Variants in LTA observed in about 807,000 individuals in gnomAD.
LTA encodes lymphotoxin alpha, also known as lymphotoxin-alpha.
In LTA, 6 loss-of-function variants were observed where a neutral mutation model predicts 15.1. The ratio of observed to expected loss-of-function variants is 0.40; its 90% CI spans 0.22 to 0.78. The LOEUF is 0.78. LTA is among the 30% of genes least tolerant of loss of function. The probability of loss-of-function intolerance (pLI) is 0.38; values close to 1 mark genes in which losing one functional copy is unlikely to be tolerated. For synonymous variants in LTA, 87 were observed against 107.3 expected (o/e 0.81, Z 1.17); for missense variants, 173 against 249.5 (o/e 0.69, Z 2.06).
chr6:31,568,223 G>A (rs751880418), upstream of LTA, among the ~76,000 whole-genome samples: 54 of 152,232 alleles, frequency 3.5e-4, no homozygotes, highest in Non-Finnish European at 3.7e-4. The surrounding 1 kb of genome is among the most constrained non-coding windows in gnomAD (Gnocchi z 4.1). Flanking sequence ...TGTTAGGCAC[G>A]CAGATACTCA....
intron 1 of LTA, 101 bp from the exon 2 acceptor site, chr6:31,572,633 T>A: frequency 1.3e-6 from 1 of 759,382 alleles, no homozygotes; most frequent in Non-Finnish European, 2.2e-6. Flanking sequence ...GATCTCTCTC[T>A]CGGGGGTCGG....
At chr6:31,566,304 A>G in the LTA span, among the ~76,000 whole-genome samples, 35 of 151,920 alleles carry the variant, frequency 2.3e-4, no homozygotes, top group Admixed American at 6.6e-4. Flanking sequence ...TGATGGTGCC[A>G]TTGCACTCCA....
chr6:31,565,278 C>T, the LTA span, among the ~76,000 whole-genome samples: 1 of 152,122 alleles, frequency 6.6e-6, no homozygotes, highest in Non-Finnish European at 1.5e-5. Flanking sequence ...TGAAGAGTTC[C>T]ACCAAATATT....
chr6:31,570,925 C>T (rs1421026922), upstream of LTA, among the ~76,000 whole-genome samples: 1 of 151,982 alleles, frequency 6.6e-6, no homozygotes, highest in Non-Finnish European at 1.5e-5. Context: ...CATGAGGGAA[C>T]CTGCTGGGGA....
upstream of LTA, among the ~76,000 whole-genome samples, chr6:31,569,439 A>G (rs956604036): frequency 3.0e-4 from 46 of 152,222 alleles, no homozygotes; most frequent in African/African-American, 1.1e-3. Context: ...ACAGAGAAAA[A>G]GAAAGGAGCA....
At chr6:31,571,703 G>C (rs1770835029), upstream of LTA, among the ~76,000 whole-genome samples, 1 of 152,202 alleles carries the variant, frequency 6.6e-6, no homozygotes, top group Admixed American at 6.5e-5. Flanking sequence ...ACTTTCAAGA[G>C]TGGAAGGGGG....
upstream of LTA, among the ~76,000 whole-genome samples, chr6:31,567,592 T>C (rs1288583905): frequency 1.5e-4 from 12 of 81,714 alleles, no homozygotes; most frequent in Admixed American, 1.3e-3. Context: ...TCACCTCTGC[T>C]CACCTCCCTC....
chr6:31,570,296 T>A (rs1043885601), upstream of LTA, among the ~76,000 whole-genome samples: 1 of 152,072 alleles, frequency 6.6e-6, no homozygotes, highest in Non-Finnish European at 1.5e-5. Flanking sequence ...GAGAAATAGC[T>A]CATACACACC....
chr6:31,560,983 G>C, the LTA span, among the ~76,000 whole-genome samples: 2 of 152,194 alleles, frequency 1.3e-5, no homozygotes, highest in Non-Finnish European at 2.9e-5. Flanking sequence ...AAGTCCATTT[G>C]AAAGCATCCA....
At chr6:31,570,820 A>C (rs754257993), upstream of LTA, among the ~76,000 whole-genome samples, 13 of 152,172 alleles carry the variant, frequency 8.5e-5, no homozygotes, top group Admixed American at 2.6e-4. Context: ...GTGTGATTTC[A>C]TTTATATGAT....
Position 31,573,682 on chromosome 6 carries a change from T to C in LTA, c.607T>C (p.Phe203Leu). The change falls in exon 4 of 4, where the codon TTC (phenylalanine) becomes CTC (leucine). Residue 203 changes from phenylalanine to leucine, a missense_variant. Coordinates refer to ENST00000418386, the MANE Select transcript of LTA (RefSeq NM_000595.4). ...LSPSTVFFGA[F>L]AL ...CCCTAGTACTGTCTTCTTTGGAGCC[T>C]TCGCTCTGTAGAACTTGGAAAAATC... The C allele has an allele frequency of 6.2e-7, 1 of 1,613,740 alleles. No individual in the cohort carries two copies. The highest frequency in any genetic ancestry group is 8.5e-7 in the Non-Finnish European group (1 of 1,179,796).
Position 31,573,778 on chromosome 6 carries a change from G to T in LTA, c.*85G>T. On this transcript the variant is annotated 3_prime_UTR_variant, in exon 4 of 4. Transcript: ENST00000418386. ...CTCCATTCTGACCATTTCAGGGGTCGTCACCACCTCTCCTTTGGCCATTCC... is the reference window on the plus strand; with the variant it reads ...CTCCATTCTGACCATTTCAGGGGTCTTCACCACCTCTCCTTTGGCCATTCC... The T allele has an allele frequency of 1.4e-6, 2 of 1,481,340 alleles. No individual in the cohort carries two copies. Among genetic ancestry groups the T allele is most frequent in the Non-Finnish European group, 1.9e-6 (2 of 1,069,142 alleles). The allele number at this position is 1,481,340 out of a possible 1,614,324, so 91.8% of individuals were successfully genotyped here. A position where few individuals can be genotyped will look rare whatever the true frequency, so the allele number is the denominator to read the frequency against.
the LTA span, among the ~76,000 whole-genome samples, chr6:31,566,642 GAAAA>G: frequency 0.029 from 3,539 of 122,972 alleles, 158 homozygotes; most frequent in African/African-American, 0.097. Context: ...TGTCTTAAAA[GAAAA>G]AAAAAAAAAA....
At chr6:31,564,518 C>T in the LTA span, among the ~76,000 whole-genome samples, 173 of 151,578 alleles carry the variant, frequency 1.1e-3, 3 homozygotes, top group Middle Eastern at 0.014. Context: ...CTCCTGACCT[C>T]GTGATCCACC....
chr6:31,564,473 C>T, the LTA span, among the ~76,000 whole-genome samples: 2 of 151,708 alleles, frequency 1.3e-5, no homozygotes, highest in South Asian at 2.1e-4. Context: ...TTAGTAGAGA[C>T]GGGGTTTCAC....
the LTA span, among the ~76,000 whole-genome samples, chr6:31,564,250 C>T: frequency 6.6e-6 from 1 of 152,148 alleles, no homozygotes; most frequent in Non-Finnish European, 1.5e-5. Flanking sequence ...GACTGTAAGA[C>T]TCATCTGATC....
the LTA span, among the ~76,000 whole-genome samples, chr6:31,561,467 G>A: frequency 6.6e-6 from 1 of 152,126 alleles, no homozygotes; most frequent in Non-Finnish European, 1.5e-5. Flanking sequence ...ACTTTGGGAG[G>A]ATCACTTGAG....
chr6:31,566,358 C>T, the LTA span, among the ~76,000 whole-genome samples: 1 of 151,694 alleles, frequency 6.6e-6, no homozygotes, highest in African/African-American at 2.4e-5. Context: ...AAAAAAAAAA[C>T]CAGGCCGGGT....
chr6:31,574,116 G>T lies in LTA; in HGVS notation c.*423G>T. ...GGATGGAGAGAGGGGAATAATAGAA[G>T]AACATCCAAGGAGAAACAGAGACAG... is the stretch of plus-strand genomic sequence containing the variant. On this transcript the variant is annotated 3_prime_UTR_variant, in exon 4 of 4. Transcript: ENST00000418386. The T allele has an allele frequency of 3.0e-6, 1 of 338,042 alleles. No homozygotes were observed. The highest frequency in any genetic ancestry group is 5.7e-6 in the Non-Finnish European group (1 of 174,930). The allele number at this position is 338,042 out of a possible 1,614,324, so 20.9% of individuals were successfully genotyped here.
Sources: allele counts gnomAD v4.1 joint callset (sites outside exome capture counted in the v4.1 genomes callset), GRCh38; gene constraint gnomAD v4.1.1; non-coding constraint Gnocchi (gnomAD v3.1); transcripts MANE v1.5; gene names NCBI Gene and HGNC (gene_info 2026-07-23, HGNC 2026-07-21).